TTC4: variants seen among roughly 807,000 people sequenced by gnomAD.
TTC4 encodes hsp70/Hsp90 co-chaperone CNS1 homolog.
Under a neutral mutation model 51.9 loss-of-function variants are expected in TTC4, and 36 were observed. That is an observed-to-expected ratio of 0.69 (90% CI 0.53 to 0.92). The LOEUF (loss-of-function observed/expected upper bound fraction) is 0.92. Among genes scored for constraint, TTC4 ranks in the 40% least tolerant of loss-of-function variants. TTC4 has a pLI of 0.00. For synonymous variants in TTC4, 144 were observed against 164.2 expected (o/e 0.88, Z 0.94); for missense variants, 399 against 454.6 (o/e 0.88, Z 1.11).
At chr1:54,735,995 T>G (rs1053078938) in intron 8 of TTC4, among the ~76,000 whole-genome samples, 1 of 152,126 alleles carries the variant, frequency 6.6e-6, no homozygotes, top group African/African-American at 2.4e-5. Context: ...TGGAATTAGC[T>G]ATTTTTTCCC....
At position 54,737,774 on chromosome 1, in the gene TTC4, G is replaced by A. The variant is rs1295409030; in HGVS notation, c.1061+110G>A. The A allele has an allele frequency of 7.1e-6, 8 of 1,128,382 alleles. No homozygotes were observed. The African/African-American group carries it at 1.1e-4, about 15-fold the overall frequency. The allele number at this position is 1,128,382 out of a possible 1,614,324, so 69.9% of individuals were successfully genotyped here. ...GAGACTGGTCAGTTTATAAAGAAAA[G>A]AGGTTTAGTGGAGAACTCACAGTTC... On this transcript the variant is annotated intron_variant, in intron 9 of 9. Transcript: ENST00000371281.
At chr1:54,739,868 TAAAAATTAAAAAGA>T (rs1645990993) in intron 9 of TTC4, among the ~76,000 whole-genome samples, 1 of 152,168 alleles carries the variant, frequency 6.6e-6, no homozygotes, top group Non-Finnish European at 1.5e-5. Context: ...GGTTGATTTT[TAAAAATTAAAAAGA>T]TTTTAAAAGA....
chr1:54,720,401 G>C (rs887857220), intron 3 of TTC4, among the ~76,000 whole-genome samples: 13 of 148,358 alleles, frequency 8.8e-5, no homozygotes, highest in Non-Finnish European at 1.8e-4. Context: ...CTCATGGCTT[G>C]CTAGTTTGGA....
chr1:54,736,380 G>GT (rs1202414356), intron 8 of TTC4, among the ~76,000 whole-genome samples: 2 of 151,210 alleles, frequency 1.3e-5, no homozygotes, highest in African/African-American at 2.4e-5. Context: ...TTTTGTTTTT[G>GT]TTTTTTTGAG....
At chr1:54,723,762 C>T (rs1925660) in intron 5 of TTC4, among the ~76,000 whole-genome samples, 151,532 of 152,362 alleles carry the variant, frequency 0.99, 75,358 homozygotes, top group Middle Eastern at 1. Flanking sequence ...ACCTGGAGCA[C>T]ACACACAGTA....
intron 9 of TTC4, among the ~76,000 whole-genome samples, chr1:54,741,094 C>CT (rs1256023888): frequency 2.6e-5 from 4 of 152,142 alleles, no homozygotes; most frequent in African/African-American, 9.7e-5. Flanking sequence ...TTTTTAATCT[C>CT]TGTGTTTTCA....
intron 5 of TTC4, 40 bp from the exon 6 acceptor site, chr1:54,728,306 C>A: frequency 6.3e-7 from 1 of 1,575,720 alleles, no homozygotes; most frequent in Non-Finnish European, 8.7e-7. Context: ...GAAGAGGAAG[C>A]CAGGTCTCTA....
At position 54,741,519 on chromosome 1, in the gene TTC4, C is replaced by G. The variant is rs1646010690; in HGVS notation, c.*6C>G. On this transcript the variant is annotated 3_prime_UTR_variant, in exon 10 of 10. Coordinates refer to ENST00000371281, the MANE Select transcript of TTC4 (RefSeq NM_004623.5). ...AGGTGTACCAGATACGATGACTAAG[C>G]CAGGGCCCCTGGATCTCCTCCCTTA... 1 of 1,611,846 alleles carries G rather than the reference C, an allele frequency of 6.2e-7. No individual in the cohort carries two copies. Among genetic ancestry groups the G allele is most frequent in the Non-Finnish European group, 8.5e-7 (1 of 1,178,070 alleles).
At chr1:54,730,792 C>CTTCT (rs772226490) in intron 6 of TTC4, among the ~76,000 whole-genome samples, 66 of 137,078 alleles carry the variant, frequency 4.8e-4, no homozygotes, top group Middle Eastern at 3.8e-3. Flanking sequence ...TTTGACATTT[C>CTTCT]TTTTTTTTTT....
chr1:54,725,160 C>A (rs1645784770), intron 5 of TTC4, among the ~76,000 whole-genome samples: 1 of 152,124 alleles, frequency 6.6e-6, no homozygotes, highest in South Asian at 2.1e-4. Context: ...CCCTGGAAGA[C>A]CCCGCTCACA....
At chr1:54,716,527 G>T in intron 1 of TTC4, 73 bp from the exon 2 acceptor site, 1 of 1,190,628 alleles carries the variant, frequency 8.4e-7, no homozygotes, top group Non-Finnish European at 1.2e-6. Flanking sequence ...AAAAAACTTT[G>T]GTAATGAGTC....
intron 9 of TTC4, among the ~76,000 whole-genome samples, chr1:54,738,661 C>CTTT (rs567268643): frequency 7.2e-6 from 1 of 138,824 alleles, no homozygotes. Flanking sequence ...CTAGGATGGC[C>CTTT]TTTTTTTTTT....
Position 54,715,957 on chromosome 1 carries a change from T to A in TTC4, c.49T>A (p.Phe17Ile). The A allele has an allele frequency of 6.2e-7, 1 of 1,607,244 alleles. No individual in the cohort carries two copies. Among genetic ancestry groups the A allele is most frequent in the East Asian group, 2.2e-5 (1 of 44,536 alleles). The change falls in exon 1 of 10, where the codon TTC becomes ATC. Residue 17 changes from phenylalanine to isoleucine, a missense_variant. Phe to Ile is a conservative substitution (Grantham distance 21, BLOSUM62 0). Coordinates refer to ENST00000371281, the MANE Select transcript of TTC4 (RefSeq NM_004623.5). The stretch of plus-strand genomic sequence containing the variant: ...CACCTCAGACGACGTCATGGACTCG[T>A]TCCTGGAAAAGTTCCAGAGCCAGCC... Reference protein sequence around the residue: ...DPTSDDVMDSFLEKFQSQPYR... With the variant: ...DPTSDDVMDSILEKFQSQPYR...
intron 3 of TTC4, among the ~76,000 whole-genome samples, chr1:54,718,039 T>A (rs1215987386): frequency 6.6e-6 from 1 of 152,188 alleles, no homozygotes; most frequent in Non-Finnish European, 1.5e-5. Context: ...TAAGCTATTT[T>A]AATCTAAGGG....
intron 7 of TTC4, 138 bp downstream of exon 7, chr1:54,731,838 C>A: frequency 1.3e-6 from 1 of 777,484 alleles, no homozygotes. Context: ...TTGATAATAA[C>A]CTCTCTATCC....
intron 1 of TTC4, 141 bp from the exon 2 acceptor site, chr1:54,716,459 G>A (rs1557739956): frequency 1.5e-6 from 1 of 655,160 alleles, no homozygotes; most frequent in Non-Finnish European, 2.7e-6. Flanking sequence ...TTACAGAAGG[G>A]AAGCGGAGGC....
At chr1:54,736,780 C>G (rs562917829) in intron 8 of TTC4, 6 of 152,712 alleles carry the variant, frequency 3.9e-5, no homozygotes, top group Non-Finnish European at 7.3e-5. Context: ...ACTCTTGACT[C>G]CACATGTTAC....
In TTC4 at chr1:54,722,682, A is replaced by G; in HGVS notation, c.477A>G (p.Leu159=). Residue 159 remains leucine, a synonymous_variant, in exon 5 of 10, where the codon TTA becomes TTG. Coordinates refer to ENST00000371281, the MANE Select transcript of TTC4 (RefSeq NM_004623.5). ...GGGTTCTGGGTTCTGCAGGTGCCTT[A>G]TGCCATCTGGAACTGAAACACTTTG... is the stretch of plus-strand genomic sequence containing the variant. ...CHLKAIIRGA[L]CHLELKHFAE... is the part of the protein sequence containing the mutation. 6.2e-7 allele frequency: 1 copy of G among 1,613,820 alleles called. No homozygotes were observed.
At chr1:54,719,677 T>G (rs921075376) in intron 3 of TTC4, among the ~76,000 whole-genome samples, 1 of 152,222 alleles carries the variant, frequency 6.6e-6, no homozygotes, top group African/African-American at 2.4e-5. Context: ...AGTTGCATCA[T>G]ATGGACATGC....
Sources: gnomAD v4.1 joint callset for allele counts (sites outside exome capture counted in the v4.1 genomes callset) on GRCh38, gnomAD v4.1.1 for gene constraint, MANE v1.5 for transcripts, NCBI Gene and HGNC (gene_info 2026-07-23, HGNC 2026-07-21) for gene names.